Variants in RBMS3 observed in about 807,000 individuals in gnomAD.
RBMS3 encodes the protein RNA-binding motif, single-stranded-interacting protein 3.
In RBMS3, 27 loss-of-function variants were observed where a neutral mutation model predicts 66.8. The ratio of observed to expected loss-of-function variants is 0.40; its 90% CI spans 0.30 to 0.56. RBMS3 has a LOEUF of 0.56. RBMS3 is among the 20% of genes least tolerant of loss of function. The pLI is 0.40. For synonymous variants in RBMS3, 188 were observed against 183.0 expected (o/e 1.03, Z -0.22); for missense variants, 513 against 549.5 (o/e 0.93, Z 0.66).
chr3:29,886,468 G>A (rs1179753961), intron 8 of RBMS3, among the ~76,000 whole-genome samples: 1 of 151,700 alleles, frequency 6.6e-6, no homozygotes, highest in African/African-American at 2.4e-5. Flanking sequence ...AATGAGATTT[G>A]GCATAGATTA....
At chr3:29,299,319 C>T (rs1191759608) in intron 1 of RBMS3, among the ~76,000 whole-genome samples, 1 of 151,788 alleles carries the variant, frequency 6.6e-6, no homozygotes, top group Non-Finnish European at 1.5e-5. Flanking sequence ...AGAAAGAGCA[C>T]AGCAATGACA....
chr3:29,854,294 C>G (rs1417047749), intron 6 of RBMS3, among the ~76,000 whole-genome samples: 1 of 152,206 alleles, frequency 6.6e-6, no homozygotes, highest in Non-Finnish European at 1.5e-5. Context: ...ATCCTAGAGG[C>G]TAGGCCTCTT....
chr3:30,003,714 A>G (rs1553718408), intron 14 of RBMS3, 142 bp from the exon 15 acceptor site: 2 of 486,924 alleles, frequency 4.1e-6, no homozygotes, highest in Non-Finnish European at 6.9e-6. Context: ...TCATAGACTC[A>G]GTATGATTTT....
chr3:29,456,810 G>A (rs1216057014), intron 2 of RBMS3, among the ~76,000 whole-genome samples: 1 of 152,120 alleles, frequency 6.6e-6, no homozygotes, highest in Non-Finnish European at 1.5e-5. Flanking sequence ...GAAATACATG[G>A]TAGGGCATAA....
At chr3:29,557,523 A>T (rs948474370) in intron 3 of RBMS3, among the ~76,000 whole-genome samples, 2 of 152,204 alleles carry the variant, frequency 1.3e-5, no homozygotes, top group Non-Finnish European at 2.9e-5. Flanking sequence ...TTTGCTTGGA[A>T]CGAAGGATTT....
At chr3:29,356,053 G>T (rs535488771) in intron 1 of RBMS3, among the ~76,000 whole-genome samples, 32 of 152,272 alleles carry the variant, frequency 2.1e-4, no homozygotes, top group African/African-American at 7.7e-4. Flanking sequence ...TATTGAAAGA[G>T]ATGTGATTGT....
At chr3:29,417,609 G>C (rs1249347688) in intron 1 of RBMS3, among the ~76,000 whole-genome samples, 1 of 152,026 alleles carries the variant, frequency 6.6e-6, no homozygotes, top group Admixed American at 6.6e-5. Flanking sequence ...TTTCTGCATA[G>C]CATAGTATTT....
rs1359895492 is a variant in RBMS3, at chr3:29,523,543, C to T, written c.307+35044C>T. On this transcript the variant is annotated intron_variant, in intron 3 of 14. Transcript: ENST00000383767. The stretch of plus-strand genomic sequence containing the variant: ...TCCTGGATATCTTCATTGGACATCT[C>T]CAATGTTACCTAGGGAAGTGATACT... Among the ~76,000 whole-genome samples the T allele has an allele frequency of 3.3e-5, 5 of 152,012 alleles. No homozygotes were observed. In the East Asian group the frequency reaches 9.7e-4, roughly 29 times the overall value.
chr3:29,348,598 A>G (rs1478059989), intron 1 of RBMS3, among the ~76,000 whole-genome samples: 1 of 152,006 alleles, frequency 6.6e-6, no homozygotes, highest in Non-Finnish European at 1.5e-5. Context: ...TCAAATCAAA[A>G]CACTCTTTAT....
At chr3:29,411,396 A>G (rs1434785787) in intron 1 of RBMS3, among the ~76,000 whole-genome samples, 1 of 152,236 alleles carries the variant, frequency 6.6e-6, no homozygotes, top group Non-Finnish European at 1.5e-5. Context: ...CAATGTATAA[A>G]GACATCTGAC....
At chr3:29,733,093 T>A (rs896774058) in intron 4 of RBMS3, among the ~76,000 whole-genome samples, 2 of 152,156 alleles carry the variant, frequency 1.3e-5, no homozygotes, top group African/African-American at 2.4e-5. Context: ...CTGCTCCATG[T>A]AAGGTAATAT....
intron 4 of RBMS3, among the ~76,000 whole-genome samples, chr3:29,663,460 G>T (rs1324268019): frequency 6.6e-6 from 1 of 152,176 alleles, no homozygotes; most frequent in East Asian, 1.9e-4. Flanking sequence ...AGTGGCCATG[G>T]AGATATCTTT....
At chr3:29,764,108 G>A (rs1300231224) in intron 6 of RBMS3, among the ~76,000 whole-genome samples, 1 of 123,124 alleles carries the variant, frequency 8.1e-6, no homozygotes, top group Non-Finnish European at 1.7e-5. Flanking sequence ...GTTTTGTAAT[G>A]ACTTGCTTTT....
intron 8 of RBMS3, among the ~76,000 whole-genome samples, chr3:29,890,166 C>T (rs952165859): frequency 1.3e-5 from 2 of 151,554 alleles, no homozygotes; most frequent in Admixed American, 6.6e-5. Flanking sequence ...GGTTTCATTA[C>T]CTTTATATGG....
In RBMS3 at chr3:29,979,158, AAACAACAACAAC is replaced by A. The variant is rs751421266; in HGVS notation, c.1099-8970_1099-8959del. Among the ~76,000 whole-genome samples, 4 of 151,358 alleles carry A rather than the reference AAACAACAACAAC, an allele frequency of 2.6e-5. No homozygotes were observed. In the South Asian group the frequency reaches 6.3e-4, roughly 24 times the overall value. On this transcript the variant is annotated intron_variant, in intron 12 of 14. Transcript: ENST00000383767. ...AAACAAAAAGAAACGAGAAGGAAAG[AAACAACAACAAC>A]AACAACAACAACAATGACAAAACTG...
intron 3 of RBMS3, among the ~76,000 whole-genome samples, chr3:29,567,698 C>CAT (rs3836340): frequency 0.33 from 50,324 of 151,784 alleles, 9,934 homozygotes; most frequent in African/African-American, 0.54. Context: ...AATCAGCCCT[C>CAT]GTGCTTATCC....
chr3:29,683,351 C>T (rs1043533680), intron 4 of RBMS3, among the ~76,000 whole-genome samples: 4 of 151,948 alleles, frequency 2.6e-5, no homozygotes, highest in African/African-American at 9.7e-5. Context: ...GGGAGGATGC[C>T]GAGAATAGAG....
intron 1 of RBMS3, among the ~76,000 whole-genome samples, chr3:29,362,226 G>T (rs1280658188): frequency 6.6e-6 from 1 of 152,116 alleles, no homozygotes; most frequent in East Asian, 1.9e-4. Context: ...ATGGGGTTTT[G>T]GTGTGGATGT....
At chr3:29,959,166 C>T (rs1457293092) in intron 12 of RBMS3, among the ~76,000 whole-genome samples, 4 of 152,152 alleles carry the variant, frequency 2.6e-5, no homozygotes. Context: ...CTGAAGCTGT[C>T]TTACCATCTG....
Sources: gnomAD v4.1 joint callset for allele counts (sites outside exome capture counted in the v4.1 genomes callset) on GRCh38, gnomAD v4.1.1 for gene constraint, MANE v1.5 for transcripts, NCBI Gene and HGNC (gene_info 2026-07-23, HGNC 2026-07-21) for gene names.